CACNA1B: variants seen among roughly 807,000 people sequenced by gnomAD.
CACNA1B encodes the protein voltage-dependent N-type calcium channel subunit alpha-1B.
CACNA1B carries 70 observed loss-of-function variants against 247.2 expected under a neutral mutation model. The ratio of observed to expected loss-of-function variants is 0.28; its 90% CI spans 0.23 to 0.35. The LOEUF is 0.35. Ranked by LOEUF, CACNA1B falls within the 10% of genes least tolerant of loss-of-function variation. The pLI, the probability that CACNA1B is intolerant of heterozygous loss-of-function variation, is 1.00. For missense variants in CACNA1B, 2,367 were observed against 3,197.4 expected (o/e 0.74, Z 6.26); for synonymous variants, 1,231 against 1,294.4 (o/e 0.95, Z 1.05).
intron 6 of CACNA1B, among the ~76,000 whole-genome samples, chr9:137,932,316 AGGTATAGTGAAGAATT>A (rs1957616978): frequency 6.6e-6 from 1 of 152,152 alleles, no homozygotes; most frequent in Admixed American, 6.5e-5. Flanking sequence ...TTGCAGTTAA[AGGTATAGTGAAGAATT>A]GGTTGTTGGG....
Position 138,058,672 on chromosome 9 carries a change from C to T in CACNA1B, c.4412C>T (p.Pro1471Leu), listed in dbSNP as rs200167577. Reference sequence around the variant, plus strand: ...AAGACGTGGACATTTGTGGTCTCCCCGCCCTTTGAATACTTCATCATGGCC... The same window carrying T: ...AAGACGTGGACATTTGTGGTCTCCCTGCCCTTTGAATACTTCATCATGGCC... ...QYKTWTFVVS[P>L]PFEYFIMAMI... is the part of the protein sequence containing the mutation. The change falls in exon 29 of 47, where the codon CCG becomes CTG. Residue 1471 changes from proline (P) to leucine (L), a missense_variant. By Grantham distance (98) the Pro-to-Leu change is moderately conservative. Transcript: ENST00000371372. The surrounding 1 kb of genome is among the most constrained non-coding windows in gnomAD (Gnocchi z 4.7). 23 of 1,612,888 alleles carry T rather than the reference C, an allele frequency of 1.4e-5. No individual in the cohort carries two copies. In the Middle Eastern group the frequency reaches 4.9e-4, roughly 35 times the overall value.
chr9:138,098,467 G>T (rs1961132936), intron 37 of CACNA1B, among the ~76,000 whole-genome samples: 1 of 152,156 alleles, frequency 6.6e-6, no homozygotes, highest in African/African-American at 2.4e-5. Context: ...GCAGAAAACA[G>T]AGATACTTTA....
intron 6 of CACNA1B, among the ~76,000 whole-genome samples, chr9:137,922,163 C>T (rs1957493005): frequency 1.5e-5 from 2 of 133,848 alleles, no homozygotes; most frequent in East Asian, 2.3e-4. Flanking sequence ...TGATCAACAC[C>T]ACACCGCACA....
intron 39 of CACNA1B, among the ~76,000 whole-genome samples, chr9:138,107,274 T>G (rs1961465009): frequency 7.3e-6 from 1 of 136,862 alleles, no homozygotes; most frequent in Non-Finnish European, 1.6e-5. Flanking sequence ...TTATATAGGG[T>G]CTCACTGTGT....
intron 39 of CACNA1B, among the ~76,000 whole-genome samples, chr9:138,110,101 T>TGA (rs1470462455): frequency 1.5e-5 from 2 of 132,046 alleles, no homozygotes; most frequent in Non-Finnish European, 3.5e-5. Context: ...TTTTGCTATA[T>TGA]GATATATATA....
chr9:138,097,475 A>G (rs1340991841), intron 37 of CACNA1B, among the ~76,000 whole-genome samples: 1 of 151,994 alleles, frequency 6.6e-6, no homozygotes, highest in Non-Finnish European at 1.5e-5. Context: ...CTCGTTCCTC[A>G]TTTACTTGCT....
chr9:138,058,168 A>G lies in CACNA1B; in HGVS notation c.4226A>G (p.Asn1409Ser), dbSNP rs1376713682. Reference protein sequence around the residue: ...YFVVFPFFFVNIFVALIIITF... With the variant: ...YFVVFPFFFVSIFVALIIITF... ...GTGGTCTTTCCCTTCTTCTTCGTCA[A>G]CATCTTTGTGGCTTTGATCATCATC... Residue 1409 changes from asparagine to serine, a missense_variant, in exon 28 of 47, where the codon AAC becomes AGC. This residue lies in a region of CACNA1B where 436 missense variants were observed against 679.5 expected (regional missense o/e 0.64). Coordinates refer to ENST00000371372, the MANE Select transcript of CACNA1B (RefSeq NM_000718.4). This position sits in a 1 kb window ranked among gnomAD's most constrained non-coding sequence, Gnocchi z 4.7. 2.5e-6 allele frequency: 4 copies of G among 1,613,840 alleles called. No individual in the cohort carries two copies. The highest frequency in any genetic ancestry group is 1.3e-5 in the African/African-American group (1 of 74,934).
chr9:137,961,795 G>A (rs1958023931), intron 10 of CACNA1B, among the ~76,000 whole-genome samples: 1 of 152,186 alleles, frequency 6.6e-6, no homozygotes, highest in African/African-American at 2.4e-5. Flanking sequence ...GTATTTTGTT[G>A]AGGATTTTTG....
At chr9:137,878,321 G>C in intron 1 of CACNA1B, 104 bp downstream of exon 1, 1 of 1,043,162 alleles carries the variant, frequency 9.6e-7, no homozygotes, top group Non-Finnish European at 1.2e-6. Context: ...CTGGGGAGGC[G>C]TCGGGAGACG....
intron 6 of CACNA1B, among the ~76,000 whole-genome samples, chr9:137,921,121 A>G (rs1284481727): frequency 3.9e-5 from 6 of 152,214 alleles, no homozygotes; most frequent in Non-Finnish European, 7.4e-5. Flanking sequence ...CACCTGGGTA[A>G]TAAGTGCAGA....
chr9:138,055,382 G>A (rs1448483205), intron 26 of CACNA1B, among the ~76,000 whole-genome samples: 4 of 151,898 alleles, frequency 2.6e-5, no homozygotes, highest in African/African-American at 9.7e-5. Flanking sequence ...CTCTTGCCTC[G>A]GCCTCCTAGA....
At chr9:137,936,668 G>A (rs1270864390) in intron 6 of CACNA1B, among the ~76,000 whole-genome samples, 1 of 152,156 alleles carries the variant, frequency 6.6e-6, no homozygotes, top group African/African-American at 2.4e-5. Context: ...AAGGTGTGAG[G>A]AAGGGATCCA....
intron 12 of CACNA1B, among the ~76,000 whole-genome samples, chr9:137,981,094 G>A (rs957503003): frequency 6.6e-6 from 1 of 152,154 alleles, no homozygotes. Context: ...CACAGTGACT[G>A]GACTAATTTA....
chr9:137,956,645 C>G, intron 8 of CACNA1B, 126 bp from the exon 9 acceptor site: 1 of 659,814 alleles, frequency 1.5e-6, no homozygotes, highest in South Asian at 2.0e-5. Context: ...CAGAGCGAGA[C>G]TCCATCTCAA....
chr9:138,045,995 G>A (rs898583150), intron 21 of CACNA1B, among the ~76,000 whole-genome samples: 4 of 152,148 alleles, frequency 2.6e-5, no homozygotes, highest in Non-Finnish European at 5.9e-5. Context: ...CTCGTGATGG[G>A]GGCCGTCTGC....
rs1007835005 is a variant in CACNA1B at position 137,882,053 on chromosome 9, G to A, written c.391-691G>A. Among the ~76,000 whole-genome samples, 6 of 152,164 alleles carry A rather than the reference G, an allele frequency of 3.9e-5. No individual in the cohort carries two copies. The highest frequency in any genetic ancestry group is 6.5e-5 in the Admixed American group (1 of 15,274). On this transcript the variant is annotated intron_variant, in intron 2 of 46. Transcript: ENST00000371372. This position sits in a 1 kb window ranked among gnomAD's most constrained non-coding sequence, Gnocchi z 4.0. ...CCTCCAGGGTCCTCACAGATGTGGC[G>A]GTCGTCGCTCAGCACACTCAGGGCT...
At chr9:138,086,284 A>G (rs1054057933) in intron 36 of CACNA1B, among the ~76,000 whole-genome samples, 3 of 151,304 alleles carry the variant, frequency 2.0e-5, no homozygotes, top group African/African-American at 7.3e-5. Context: ...TAAAGGGATG[A>G]AAAACATACT....
intron 31 of CACNA1B, among the ~76,000 whole-genome samples, chr9:138,069,288 A>G (rs1279804472): frequency 6.6e-6 from 1 of 152,230 alleles, no homozygotes; most frequent in Non-Finnish European, 1.5e-5. Flanking sequence ...AAAAATCAAA[A>G]TAGAGTTTTA....
intron 15 of CACNA1B, among the ~76,000 whole-genome samples, chr9:138,000,388 G>C (rs960782797): frequency 6.6e-6 from 1 of 152,172 alleles, no homozygotes; most frequent in South Asian, 2.1e-4. Flanking sequence ...ATGAGCCACC[G>C]TGCCTGGCCA....
Sources: allele counts gnomAD v4.1 joint callset (sites outside exome capture counted in the v4.1 genomes callset), GRCh38; gene constraint gnomAD v4.1.1; regional missense constraint gnomAD v4.1.1; non-coding constraint Gnocchi (gnomAD v3.1); transcripts MANE v1.5; gene names NCBI Gene and HGNC (gene_info 2026-07-23, HGNC 2026-07-21).